The following POFUT2 variants were observed in gnomAD, a reference collection of about 807,000 sequenced individuals.
The protein encoded by POFUT2 is protein O-fucosyltransferase 2, also known as GDP-fucose protein O-fucosyltransferase 2.
A neutral mutation model predicts 55.0 loss-of-function variants in POFUT2; 30 were observed. The observed-to-expected ratio is 0.55, with a 90% CI of 0.41 to 0.74. POFUT2 has a LOEUF of 0.74. Ranked by LOEUF, POFUT2 falls within the 30% of genes least tolerant of loss-of-function variation. POFUT2 has a pLI of 0.00. For missense variants in POFUT2, 524 were observed against 562.6 expected (o/e 0.93, Z 0.69); for synonymous variants, 267 against 231.1 (o/e 1.16, Z -1.41).
At position 45,267,002 on chromosome 21, in the gene POFUT2, C is replaced by T. The variant is rs1251524900; in HGVS notation, c.1136+588G>A. 2 of 1,049,334 alleles carry T rather than the reference C, an allele frequency of 1.9e-6. No homozygotes were observed. The allele number at this position is 1,049,334 out of a possible 1,614,324, so 65.0% of individuals were successfully genotyped here. On this transcript the variant is annotated intron_variant, in intron 8 of 8. Coordinates refer to ENST00000349485, the MANE Select transcript of POFUT2 (RefSeq NM_133635.6). The surrounding 1 kb of genome is among the most constrained non-coding windows in gnomAD (Gnocchi z 4.4). ...CAGAGGAATGACTGCACGCAGGGCC[C>T]ACGCTCCCGGCCTCTGGGACGCTCA...
In POFUT2 at chr21:45,285,492, G is replaced by A. The variant is rs1471412554; in HGVS notation, c.382+186C>T. 1.3e-5 allele frequency: 9 copies of A among 713,512 alleles called. No individual in the cohort carries two copies. Among genetic ancestry groups the A allele is most frequent in the East Asian group, 2.8e-5 (1 of 35,734 alleles). The allele number at this position is 713,512 out of a possible 1,614,324, so 44.2% of individuals were successfully genotyped here. On this transcript the variant is annotated intron_variant, in intron 2 of 8. Transcript: ENST00000349485. The surrounding 1 kb of genome is among the most constrained non-coding windows in gnomAD (Gnocchi z 4.9). The stretch of plus-strand genomic sequence containing the variant: ...AACATTTTGGGAAGCTCACTGCAGC[G>A]TGGGAAAGGGACTGTGCTCCTGAAC...
In POFUT2 at chr21:45,286,017, C is replaced by T. The variant is rs569774298; in HGVS notation, c.132-89G>A. The T allele has an allele frequency of 1.5e-5, 17 of 1,153,198 alleles. No individual in the cohort carries two copies. The South Asian group carries it at 2.2e-4, about 15-fold the overall frequency. The allele number at this position is 1,153,198 out of a possible 1,614,324, so 71.4% of individuals were successfully genotyped here. A position where few individuals can be genotyped will look rare whatever the true frequency, so the allele number is the denominator to read the frequency against. Reference sequence around the variant, plus strand: ...TGCTCACAAGTCTCAGCGCGTGGCCCGACTCTAGGCACTTAACAATGGTTC... The same window carrying T: ...TGCTCACAAGTCTCAGCGCGTGGCCTGACTCTAGGCACTTAACAATGGTTC... On this transcript the variant is annotated intron_variant, in intron 1 of 8. Coordinates refer to ENST00000349485, the MANE Select transcript of POFUT2 (RefSeq NM_133635.6).
Position 45,265,335 on chromosome 21 carries a change from C to A in POFUT2, c.*147G>T. The A allele has an allele frequency of 1.6e-6, 1 of 637,228 alleles. No individual in the cohort carries two copies. The highest frequency in any genetic ancestry group is 2.6e-6 in the Non-Finnish European group (1 of 383,222). 39.5% of individuals were successfully genotyped at this position (637,228 alleles called of 1,614,324 possible). A position where few individuals can be genotyped will look rare whatever the true frequency, so the allele number is the denominator to read the frequency against. On this transcript the variant is annotated 3_prime_UTR_variant, in exon 9 of 9. Coordinates refer to ENST00000349485, the MANE Select transcript of POFUT2 (RefSeq NM_133635.6). This position sits in a 1 kb window ranked among gnomAD's most constrained non-coding sequence, Gnocchi z 4.6. ...CGAGGACGGAGCCCAGCTCTAGAGG[C>A]GTGGGGCCTCTTCTGGGCCTGGGAC...
At chr21:45,271,485 A>G (rs2093219399) in intron 6 of POFUT2, among the ~76,000 whole-genome samples, 1 of 152,240 alleles carries the variant, frequency 6.6e-6, no homozygotes, top group South Asian at 2.1e-4. Flanking sequence ...TTGAGGGAAT[A>G]ATTGAGGAAA....
intron 8 of POFUT2, chr21:45,266,975 C>A (rs2093161014): frequency 4.8e-6 from 5 of 1,031,780 alleles, no homozygotes; most frequent in African/African-American, 1.7e-5. Context: ...CCACAGCAAC[C>A]CCAGAGGAAT....
chr21:45,279,310 G>T (rs1220916172), intron 4 of POFUT2, among the ~76,000 whole-genome samples: 1 of 152,026 alleles, frequency 6.6e-6, no homozygotes, highest in African/African-American at 2.4e-5. Flanking sequence ...CAGGAGAATC[G>T]CTTGAACCCA....
At chr21:45,266,902 C>A in intron 8 of POFUT2, 2 of 1,015,228 alleles carry the variant, frequency 2.0e-6, no homozygotes, top group Non-Finnish European at 2.4e-6. Flanking sequence ...CTAACCCCAG[C>A]CTTCATCTCC....
intron 6 of POFUT2, among the ~76,000 whole-genome samples, chr21:45,276,354 A>C (rs950240075): frequency 6.6e-6 from 1 of 152,298 alleles, no homozygotes; most frequent in East Asian, 1.9e-4. Context: ...TGCTGGAACA[A>C]TGAATGCTAT....
Position 45,285,902 on chromosome 21 carries a change from G to C in POFUT2, c.158C>G (p.Pro53Arg), listed in dbSNP as rs763613938. The change falls in exon 2 of 9, where the codon CCG becomes CGG. Residue 53 changes from proline (P) to arginine (R), a missense_variant. Transcript: ENST00000349485. This position sits in a 1 kb window ranked among gnomAD's most constrained non-coding sequence, Gnocchi z 4.9. ...ATCCCTGCGCAGGTTGAAGCCTTCC[G>C]GGGGGTTGACGTCATACAGAAGATA... Reference protein sequence around the residue: ...RRYLLYDVNPPEGFNLRRDVY... With the variant: ...RRYLLYDVNPREGFNLRRDVY... The C allele has an allele frequency of 9.3e-5, 149 of 1,609,936 alleles. No homozygotes were observed. Among genetic ancestry groups the C allele is most frequent in the Non-Finnish European group, 1.2e-4 (143 of 1,178,324 alleles).
intron 6 of POFUT2, among the ~76,000 whole-genome samples, chr21:45,276,478 A>T (rs533451580): frequency 6.6e-6 from 1 of 152,188 alleles, no homozygotes. Context: ...CTTAAAAACA[A>T]TATCAAGTTG....
At chr21:45,278,237 G>T in intron 4 of POFUT2, 68 bp from the exon 5 acceptor site, 1 of 1,347,820 alleles carries the variant, frequency 7.4e-7, no homozygotes, top group Non-Finnish European at 1.1e-6. Flanking sequence ...CACTCTCAGA[G>T]CACAAACTGG....
At position 45,287,882 on chromosome 21, in the gene POFUT2, G is replaced by C; in HGVS notation, c.-11C>G. On this transcript the variant is annotated 5_prime_UTR_variant, in exon 1 of 9. Transcript: ENST00000349485. ...GCTGAGTGTCGCCATGGCCCCGGGCGGCCACGCACTTCCGGCGGCCGCGCC... is the reference window on the plus strand; with the variant it reads ...GCTGAGTGTCGCCATGGCCCCGGGCCGCCACGCACTTCCGGCGGCCGCGCC... The C allele has an allele frequency of 7.6e-7, 1 of 1,322,582 alleles. No homozygotes were observed. Among genetic ancestry groups the C allele is most frequent in the Non-Finnish European group, 9.7e-7 (1 of 1,028,580 alleles). 81.9% of individuals were successfully genotyped at this position (1,322,582 alleles called of 1,614,324 possible). A position where few individuals can be genotyped will look rare whatever the true frequency, so the allele number is the denominator to read the frequency against.
chr21:45,267,072 C>A lies in POFUT2; in HGVS notation c.1136+518G>T, dbSNP rs1291566673. 1.8e-6 allele frequency: 2 copies of A among 1,113,300 alleles called. No individual in the cohort carries two copies. Among genetic ancestry groups the A allele is most frequent in the Non-Finnish European group, 1.1e-6 (1 of 906,920 alleles). The allele number at this position is 1,113,300 out of a possible 1,614,324, so 69.0% of individuals were successfully genotyped here. On this transcript the variant is annotated intron_variant, in intron 8 of 8. Transcript: ENST00000349485. The surrounding 1 kb of genome is among the most constrained non-coding windows in gnomAD (Gnocchi z 4.4). ...ATCACACGAGGGCCCACGCTCCCGG[C>A]CTCGGGGACGCTCACGGCAGCCCCA...
intron 6 of POFUT2, among the ~76,000 whole-genome samples, chr21:45,275,515 G>A (rs534406962): frequency 2.6e-5 from 4 of 152,202 alleles, no homozygotes; most frequent in African/African-American, 4.8e-5. Flanking sequence ...ACATGGAACC[G>A]GCCTGAATGC....
chr21:45,287,098 G>A (rs937437355), intron 1 of POFUT2, among the ~76,000 whole-genome samples: 4 of 148,420 alleles, frequency 2.7e-5, no homozygotes, highest in African/African-American at 7.5e-5. Context: ...CTGCAGACCC[G>A]GGCCGCAGTG....
chr21:45,267,528 G>C lies in POFUT2; in HGVS notation c.1136+62C>G. 6.2e-6 allele frequency: 10 copies of C among 1,614,160 alleles called. 2 individuals are homozygous for C. Among genetic ancestry groups the C allele is most frequent in the South Asian group, 3.3e-5 (3 of 91,086 alleles). On this transcript the variant is annotated intron_variant, in intron 8 of 8. Coordinates refer to ENST00000349485, the MANE Select transcript of POFUT2 (RefSeq NM_133635.6). The surrounding 1 kb of genome is among the most constrained non-coding windows in gnomAD (Gnocchi z 4.4). The stretch of plus-strand genomic sequence containing the variant: ...ATCTGCTCTGACACCGAGTACTTGG[G>C]ACAGAAGAACCTTTGAAAGCCACCC...
intron 8 of POFUT2, chr21:45,266,332 G>C (rs556542598): frequency 1.5e-6 from 2 of 1,352,536 alleles, no homozygotes; most frequent in South Asian, 2.3e-5. Flanking sequence ...CCTGTATGCT[G>C]CTGCGGGGTG....
rs138600335 is a variant in POFUT2, at chr21:45,265,240, G to A, written c.*242C>T. On this transcript the variant is annotated 3_prime_UTR_variant, in exon 9 of 9. Coordinates refer to ENST00000349485, the MANE Select transcript of POFUT2 (RefSeq NM_133635.6). This position sits in a 1 kb window ranked among gnomAD's most constrained non-coding sequence, Gnocchi z 4.6. ...GCAACCGAGCTGTGGGTTCACAGAC[G>A]CTGCCTGAAAACAACCGCCACCCCC... is the stretch of plus-strand genomic sequence containing the variant. The A allele has an allele frequency of 8.9e-4, 352 of 394,738 alleles. 1 individual carries two copies. Among genetic ancestry groups the A allele is most frequent in the African/African-American group, 5.3e-3 (257 of 48,668 alleles). The allele number at this position is 394,738 out of a possible 1,614,324, so 24.5% of individuals were successfully genotyped here.
rs11367431 is a variant in POFUT2, at chr21:45,283,341, T to TG, written c.527+41dup. The TG allele has an allele frequency of 1.7e-3, 1,193 of 701,634 alleles. 19 individuals are homozygous for TG. The African/African-American group carries it at 0.042, about 25-fold the overall frequency. The allele number at this position is 701,634 out of a possible 1,614,324, so 43.5% of individuals were successfully genotyped here. ...GGGGGACGCATGCGGCAGGGGGAGG[T>TG]GGGGGGGCACCTGCGGCAGGGGGAG... On this transcript the variant is annotated intron_variant, in intron 3 of 8. Coordinates refer to ENST00000349485, the MANE Select transcript of POFUT2 (RefSeq NM_133635.6).
Sources: allele counts gnomAD v4.1 joint callset (sites outside exome capture counted in the v4.1 genomes callset), GRCh38; gene constraint gnomAD v4.1.1; non-coding constraint Gnocchi (gnomAD v3.1); transcripts MANE v1.5; gene names NCBI Gene and HGNC (gene_info 2026-07-23, HGNC 2026-07-21).